The following CPED1 variants were observed in gnomAD, a reference collection of about 807,000 sequenced individuals.
The protein encoded by CPED1 is cadherin like and PC-esterase domain containing 1, also known as cadherin-like and PC-esterase domain-containing protein 1.
A neutral mutation model predicts 128.2 loss-of-function variants in CPED1; 114 were observed. That is an observed-to-expected ratio of 0.89 (90% confidence interval 0.76 to 1.04). CPED1 has a LOEUF of 1.04. Ranked by LOEUF, CPED1 falls within the 50% of genes least tolerant of loss-of-function variation. CPED1 has a pLI of 0.00. For synonymous variants in CPED1, 462 were observed against 426.7 expected, an observed-to-expected ratio of 1.08 and a Z score of -1.02; for missense variants, 1,211 against 1,207.1, an observed-to-expected ratio of 1.00 and a Z score of -0.05.
intron 18 of CPED1, chr7:121,261,525 G>T: frequency 6.8e-7 from 1 of 1,464,674 alleles, no homozygotes; most frequent in East Asian, 2.5e-5. Context: ...TTAGGTATTT[G>T]GCCATGAGAC....
At chr7:121,052,416 G>A (rs1172014947) in intron 4 of CPED1, among the ~76,000 whole-genome samples, 2 of 152,144 alleles carry the variant, frequency 1.3e-5, no homozygotes, top group African/African-American at 4.8e-5. Context: ...GGCTTTCGTG[G>A]TCAACCCTTT....
At chr7:121,010,024 C>G (rs547173621) in intron 2 of CPED1, among the ~76,000 whole-genome samples, 1 of 152,126 alleles carries the variant, frequency 6.6e-6, no homozygotes, top group Non-Finnish European at 1.5e-5. Context: ...TTATTTAGAA[C>G]CTGGCAGTAA....
At chr7:121,224,539 G>A (rs1422930158) in intron 16 of CPED1, among the ~76,000 whole-genome samples, 2 of 152,060 alleles carry the variant, frequency 1.3e-5, no homozygotes, top group Non-Finnish European at 2.9e-5. Flanking sequence ...TCATTGATCT[G>A]TCTAATATTG....
At chr7:121,173,508 T>C (rs1389015156) in intron 16 of CPED1, among the ~76,000 whole-genome samples, 2 of 152,130 alleles carry the variant, frequency 1.3e-5, no homozygotes, top group Non-Finnish European at 2.9e-5. Flanking sequence ...ATGTGGTATT[T>C]GGTTTTTTGT....
chr7:121,014,412 G>A (rs539982353), intron 2 of CPED1, among the ~76,000 whole-genome samples: 11 of 152,038 alleles, frequency 7.2e-5, no homozygotes, highest in East Asian at 3.9e-4. Context: ...TTAGCCAGGC[G>A]TGGTGGCGGG....
intron 16 of CPED1, among the ~76,000 whole-genome samples, chr7:121,153,321 C>T (rs1192017970): frequency 6.6e-6 from 1 of 152,120 alleles, no homozygotes; most frequent in African/African-American, 2.4e-5. Context: ...TGATTTCAAC[C>T]AAAACTGCTA....
rs1489496964 is a variant in CPED1, at chr7:121,064,221, T to C, written c.541-17T>C. 4.5e-6 allele frequency: 7 copies of C among 1,570,434 alleles called. No individual in the cohort carries two copies. Among genetic ancestry groups the C allele is most frequent in the Admixed American group, 1.7e-5 (1 of 59,914 alleles). On this transcript the variant is annotated splice_polypyrimidine_tract_variant and intron_variant, in intron 4 of 22. Transcript: ENST00000310396. ...GATGAATGCCTCACTCACTAGAATC[T>C]TTTTCATTCCTTTCAGGCAAACAGA...
chr7:121,106,377 T>TAA (rs1794977058), intron 7 of CPED1, among the ~76,000 whole-genome samples: 1 of 152,006 alleles, frequency 6.6e-6, no homozygotes, highest in Non-Finnish European at 1.5e-5. Flanking sequence ...TATATATATA[T>TAA]AATGTATTAT....
At chr7:121,156,033 A>G (rs1796276168) in intron 16 of CPED1, among the ~76,000 whole-genome samples, 1 of 152,248 alleles carries the variant, frequency 6.6e-6, no homozygotes, top group East Asian at 1.9e-4. Flanking sequence ...TAAAATGAGT[A>G]AAAGATCAGA....
chr7:121,077,026 C>T (rs1794143329), intron 5 of CPED1, among the ~76,000 whole-genome samples: 1 of 152,024 alleles, frequency 6.6e-6, no homozygotes, highest in Non-Finnish European at 1.5e-5. Flanking sequence ...CCTCTTTGCC[C>T]TTTATTTTCT....
chr7:121,279,048 C>G (rs1472204200), intron 22 of CPED1, among the ~76,000 whole-genome samples: 2 of 152,056 alleles, frequency 1.3e-5, no homozygotes, highest in African/African-American at 4.8e-5. Flanking sequence ...ATTTTGATTA[C>G]CATTTCCTAC....
chr7:121,285,864 C>T (rs1229722826), intron 22 of CPED1, among the ~76,000 whole-genome samples: 1 of 152,178 alleles, frequency 6.6e-6, no homozygotes, highest in African/African-American at 2.4e-5. Context: ...CCAACCTCTG[C>T]CTGTTAGCCA....
At chr7:121,228,700 T>C (rs1351898668) in intron 16 of CPED1, among the ~76,000 whole-genome samples, 2 of 152,022 alleles carry the variant, frequency 1.3e-5, no homozygotes, top group Non-Finnish European at 2.9e-5. Flanking sequence ...CACTCATATG[T>C]TGCAGCACTA....
chr7:121,092,296 G>A (rs528369563), intron 5 of CPED1, among the ~76,000 whole-genome samples: 4 of 152,260 alleles, frequency 2.6e-5, no homozygotes, highest in East Asian at 1.9e-4. Context: ...TGAACAATAA[G>A]TTTGCCTTAT....
At chr7:121,111,676 A>G (rs1795112017) in intron 7 of CPED1, among the ~76,000 whole-genome samples, 2 of 152,044 alleles carry the variant, frequency 1.3e-5, no homozygotes, top group Admixed American at 1.3e-4. Context: ...AATCAGAATC[A>G]GCAAGGCTTA....
chr7:121,211,698 A>T (rs1797646321), intron 16 of CPED1, among the ~76,000 whole-genome samples: 1 of 152,058 alleles, frequency 6.6e-6, no homozygotes, highest in South Asian at 2.1e-4. Context: ...GAGTGGAGAG[A>T]GGCAACCTGG....
intron 16 of CPED1, among the ~76,000 whole-genome samples, chr7:121,145,817 G>T (rs1796012121): frequency 6.6e-6 from 1 of 150,828 alleles, no homozygotes. Flanking sequence ...AACAACCACA[G>T]TGTCCTCACT....
intron 16 of CPED1, among the ~76,000 whole-genome samples, chr7:121,232,537 A>G (rs948749461): frequency 2.0e-5 from 3 of 152,120 alleles, no homozygotes; most frequent in Admixed American, 2.0e-4. Flanking sequence ...AATACATCAT[A>G]AGATCTCAAA....
chr7:121,138,975 A>G (rs1158088669), intron 14 of CPED1, among the ~76,000 whole-genome samples: 1 of 152,066 alleles, frequency 6.6e-6, no homozygotes, highest in Non-Finnish European at 1.5e-5. Flanking sequence ...CTTTGATGAA[A>G]AAAGAATGTA....
Sources: gnomAD v4.1 joint callset for allele counts (sites outside exome capture counted in the v4.1 genomes callset) on GRCh38, gnomAD v4.1.1 for gene constraint, MANE v1.5 for transcripts, NCBI Gene and HGNC (gene_info 2026-07-23, HGNC 2026-07-21) for gene names.